Variants in DNAJC9 observed in about 807,000 individuals in gnomAD.
DNAJC9 encodes dnaJ homolog subfamily C member 9.
Under a neutral mutation model 32.4 loss-of-function variants are expected in DNAJC9, and 18 were observed. The ratio of observed to expected loss-of-function variants is 0.56; its 90% CI spans 0.38 to 0.82. The LOEUF (loss-of-function observed/expected upper bound fraction) is 0.82, where lower values mean the gene tolerates loss of function less well. Ranked by LOEUF, DNAJC9 falls within the 40% of genes least tolerant of loss-of-function variation. The pLI is 0.00. For synonymous variants in DNAJC9, 113 were observed against 122.1 expected (o/e 0.93, Z 0.49); for missense variants, 310 against 321.8 (o/e 0.96, Z 0.28).
In DNAJC9 at chr10:73,247,160, C is replaced by T; in HGVS notation, c.30G>A (p.Val10=). The T allele has an allele frequency of 2.5e-6, 4 of 1,596,878 alleles. No homozygotes were observed. The highest frequency in any genetic ancestry group is 2.6e-6 in the Non-Finnish European group (3 of 1,172,794). Residue 10 remains valine (V), a synonymous_variant, in exon 1 of 5, where the codon GTG becomes GTA. Coordinates refer to ENST00000372950, the MANE Select transcript of DNAJC9 (RefSeq NM_015190.5). MGLLDLCEE[V]FGTADLYRVL... ...CCCGGTAAAGGTCGGCGGTGCCGAA[C>T]ACTTCCTCGCAAAGGTCCAGCAGCC...
intron 4 of DNAJC9, 128 bp downstream of exon 4, chr10:73,243,715 T>C: frequency 9.0e-7 from 1 of 1,115,618 alleles, no homozygotes; most frequent in Non-Finnish European, 1.3e-6. Context: ...AATTGTACAC[T>C]TTAAAAGGAC....
At chr10:73,240,792 T>G (rs2043932380), downstream of DNAJC9, among the ~76,000 whole-genome samples, 1 of 152,180 alleles carries the variant, frequency 6.6e-6, no homozygotes, top group Admixed American at 6.5e-5. Context: ...TTGCTTCTTT[T>G]TAATTAGTGG....
At chr10:73,233,242 A>G in intron 2 of DNAJC9, 1 of 1,019,370 alleles carries the variant, frequency 9.8e-7, no homozygotes, top group South Asian at 1.4e-5. Context: ...TAAATATAAG[A>G]CTGAAATCTA....
chr10:73,239,263 C>A, downstream of DNAJC9: 1 of 1,453,134 alleles, frequency 6.9e-7, no homozygotes, highest in Non-Finnish European at 9.4e-7. Context: ...AAATATTATC[C>A]TTTGTGAGAA....
chr10:73,247,050 A>T lies in DNAJC9; in HGVS notation c.140T>A (p.Val47Glu). 2.6e-6 allele frequency: 4 copies of T among 1,565,884 alleles called. No homozygotes were observed. The highest frequency in any genetic ancestry group is 1.4e-5 in the African/African-American group (1 of 73,812). Residue 47 changes from valine to glutamate, a missense_variant, in exon 1 of 5, where the codon GTG (valine) becomes GAG (glutamate). Val to Glu is a moderately radical substitution (Grantham distance 121). Coordinates refer to ENST00000372950, the MANE Select transcript of DNAJC9 (RefSeq NM_015190.5). ...KVSLQVHPDR[V>E]GEGDKEDATR... ...GGCGTCCTCCTTGTCGCCCTCACCC[A>T]CCCGGTCCGGGTGTACCTGCAGGGA...
chr10:73,239,752 G>C (rs1261215432), downstream of DNAJC9, among the ~76,000 whole-genome samples: 1 of 151,828 alleles, frequency 6.6e-6, no homozygotes, highest in Non-Finnish European at 1.5e-5. Flanking sequence ...TATTATGCAG[G>C]CAAAATCCAT....
chr10:73,244,049 G>C (rs2043981446), intron 3 of DNAJC9, 120 bp from the exon 4 acceptor site: 3 of 750,934 alleles, frequency 4.0e-6, no homozygotes, highest in Non-Finnish European at 6.6e-6. Context: ...TAGACAAAAT[G>C]AATCGAATTA....
At position 73,243,418 on chromosome 10, in the gene DNAJC9, G is replaced by T. The variant is rs780291591; in HGVS notation, c.765C>A (p.Leu255=). 6 of 1,613,870 alleles carry T rather than the reference G, an allele frequency of 3.7e-6. No homozygotes were observed. Among genetic ancestry groups the T allele is most frequent in the Non-Finnish European group, 5.1e-6 (6 of 1,179,890 alleles). Residue 255 remains leucine, a synonymous_variant, in exon 5 of 5, where the codon CTC becomes CTA. Coordinates refer to ENST00000372950, the MANE Select transcript of DNAJC9 (RefSeq NM_015190.5). ...AATTCCATTATTTCTTTTCTTTCTT[G>T]AGAGCAGATTTTTTCCCTCCTCCTT... ...SSKGGGKKSA[L]KKEKK is the part of the protein sequence containing the mutation.
downstream of DNAJC9, among the ~76,000 whole-genome samples, chr10:73,238,157 T>C (rs111678395): frequency 0.1 from 15,900 of 151,974 alleles, 1,202 homozygotes; most frequent in East Asian, 0.31. Context: ...ACCAGCCTGG[T>C]TAACATGGTG....
downstream of DNAJC9, chr10:73,235,207 C>T: frequency 6.4e-7 from 1 of 1,551,696 alleles, no homozygotes; most frequent in East Asian, 2.4e-5. Flanking sequence ...CCCATGGCGA[C>T]TCTAGTCGAG....
In DNAJC9 at chr10:73,243,881, GC is replaced by G; in HGVS notation, c.624del (p.Asp210MetfsTer7). 6.2e-7 allele frequency: 1 copy of G among 1,614,030 alleles called. No homozygotes were observed. Among genetic ancestry groups the G allele is most frequent in the South Asian group, 1.1e-5 (1 of 91,076 alleles). ...KEAEMSRKEL[G>X]LDEGVDSLKA... Reference sequence around the variant, plus strand: ...TTCAGGCTATCCACGCCTTCATCAAGCCCCAACTCCTTTCTGCTCATTTCTG... The same window carrying G: ...TTCAGGCTATCCACGCCTTCATCAAGCCCAACTCCTTTCTGCTCATTTCTG... On this transcript the variant is annotated frameshift_variant, in exon 4 of 5. Coordinates refer to ENST00000372950, the MANE Select transcript of DNAJC9 (RefSeq NM_015190.5). LOFTEE classifies it high-confidence loss of function.
At chr10:73,246,248 A>C in intron 2 of DNAJC9, 72 bp from the exon 3 acceptor site, 1 of 1,522,476 alleles carries the variant, frequency 6.6e-7, no homozygotes, top group Non-Finnish European at 8.9e-7. Flanking sequence ...GTAAAACTAG[A>C]GTTGGGTGTT....
Position 73,247,066 on chromosome 10 carries a change from C to G in DNAJC9, c.124G>C (p.Val42Leu). The part of the protein sequence containing the change: ...RRGYHKVSLQ[V>L]HPDRVGEGDK... ...CCCTCACCCACCCGGTCCGGGTGTA[C>G]CTGCAGGGACACCTTGTGGTAGCCT... The change falls in exon 1 of 5, where the codon GTA (valine) becomes CTA (leucine). Residue 42 changes from valine to leucine, a missense_variant. Val to Leu is a conservative substitution (Grantham distance 32, BLOSUM62 1). Coordinates refer to ENST00000372950, the MANE Select transcript of DNAJC9 (RefSeq NM_015190.5). 1 of 1,587,260 alleles carries G rather than the reference C, an allele frequency of 6.3e-7. No homozygotes were observed. Among genetic ancestry groups the G allele is most frequent in the Non-Finnish European group, 8.6e-7 (1 of 1,168,020 alleles).
chr10:73,243,577 T>C, intron 4 of DNAJC9, 58 bp from the exon 5 acceptor site: 1 of 1,599,672 alleles, frequency 6.3e-7, no homozygotes, highest in Non-Finnish European at 8.5e-7. Flanking sequence ...AGAAAGTACC[T>C]AGTGGTTGCC....
chr10:73,246,239 T>C (rs2044006511), intron 2 of DNAJC9, 63 bp from the exon 3 acceptor site: 1 of 1,548,890 alleles, frequency 6.5e-7, no homozygotes, highest in South Asian at 1.2e-5. Flanking sequence ...CGTACGTTAG[T>C]AAAACTAGAG....
chr10:73,246,725 C>T lies in DNAJC9; in HGVS notation c.284G>A (p.Arg95Gln). The change falls in exon 2 of 5, where the codon CGA (arginine) becomes CAA (glutamine). Residue 95 changes from arginine (R) to glutamine (Q), a missense_variant. Coordinates refer to ENST00000372950, the MANE Select transcript of DNAJC9 (RefSeq NM_015190.5). ...DEDSPVLTQD[R>Q]DWEAYWRLLF... The stretch of plus-strand genomic sequence containing the variant: ...TAGCCGCCAATACGCCTCCCAGTCT[C>T]GGTCTTGGGTGAGCACAGGAGAGTC... The T allele has an allele frequency of 1.2e-6, 2 of 1,614,056 alleles. No individual in the cohort carries two copies. The highest frequency in any genetic ancestry group is 1.7e-6 in the Non-Finnish European group (2 of 1,179,932).
At position 73,246,188 on chromosome 10, in the gene DNAJC9, G is replaced by A. The variant is rs375346546; in HGVS notation, c.322-12C>T. On this transcript the variant is annotated splice_polypyrimidine_tract_variant and intron_variant, in intron 2 of 4. Transcript: ENST00000372950. ...TCCTCTAAAGATATCTGATGATAAAGGAGATTTGCTTTAACTTTGGGAATT... is the reference window on the plus strand; with the variant it reads ...TCCTCTAAAGATATCTGATGATAAAAGAGATTTGCTTTAACTTTGGGAATT... The A allele has an allele frequency of 3.9e-5, 62 of 1,590,388 alleles. No homozygotes were observed. The highest frequency in any genetic ancestry group is 1.7e-4 in the Middle Eastern group (1 of 6,026).
downstream of DNAJC9, among the ~76,000 whole-genome samples, chr10:73,236,129 C>G (rs1478924158): frequency 6.6e-6 from 1 of 152,128 alleles, no homozygotes; most frequent in East Asian, 1.9e-4. Context: ...TAAAGCACTG[C>G]AAAGTTTTTC....
At chr10:73,232,907 A>C (rs2043739130) in intron 2 of DNAJC9, 8 of 1,260,276 alleles carry the variant, frequency 6.3e-6, no homozygotes, top group Non-Finnish European at 7.9e-6. Context: ...ACTGATCTTT[A>C]CTTCATTGTG....
Sources: gnomAD v4.1 joint callset for allele counts (sites outside exome capture counted in the v4.1 genomes callset) on GRCh38, gnomAD v4.1.1 for gene constraint, MANE v1.5 for transcripts, NCBI Gene and HGNC (gene_info 2026-07-23, HGNC 2026-07-21) for gene names.